Variants in LMBR1 observed in about 807,000 individuals in gnomAD.
LMBR1 encodes the protein limb region 1 protein homolog.
Under a neutral mutation model 73.9 loss-of-function variants are expected in LMBR1, and 52 were observed. That is an observed-to-expected ratio of 0.70 (90% CI 0.56 to 0.89). The LOEUF is 0.89. Among genes scored for constraint, LMBR1 ranks in the 40% least tolerant of loss-of-function variants. The probability of loss-of-function intolerance (pLI) is 0.00; values close to 1 mark genes in which losing one functional copy is unlikely to be tolerated. For missense variants in LMBR1, 539 were observed against 579.8 expected, an observed-to-expected ratio of 0.93 and a Z score of 0.72; for synonymous variants, 215 against 209.4, an observed-to-expected ratio of 1.03 and a Z score of -0.23.
chr7:156,687,112 C>G (rs111808129), intron 16 of LMBR1, among the ~76,000 whole-genome samples: 2,328 of 152,272 alleles, frequency 0.015, 50 homozygotes, highest in South Asian at 0.079. Flanking sequence ...GCCTGGTGAT[C>G]TGAGAAGCTT....
chr7:156,741,276 C>T (rs1818844106), intron 9 of LMBR1, among the ~76,000 whole-genome samples: 1 of 152,004 alleles, frequency 6.6e-6, no homozygotes. Flanking sequence ...AAAGAAGTAA[C>T]AAAATGGCAG....
chr7:156,761,361 T>C (rs773353336), intron 8 of LMBR1, among the ~76,000 whole-genome samples: 5 of 152,098 alleles, frequency 3.3e-5, no homozygotes, highest in Admixed American at 2.6e-4. Flanking sequence ...TACAATCAAC[T>C]GAAAATCATT....
chr7:156,752,553 C>T (rs1444235475), intron 9 of LMBR1, among the ~76,000 whole-genome samples: 1 of 152,024 alleles, frequency 6.6e-6, no homozygotes, highest in African/African-American at 2.4e-5. Flanking sequence ...GCCACAGCAT[C>T]GAAGGAAAAG....
At chr7:156,826,993 C>A (rs1835814474) in intron 3 of LMBR1, among the ~76,000 whole-genome samples, 1 of 152,034 alleles carries the variant, frequency 6.6e-6, no homozygotes, top group African/African-American at 2.4e-5. Context: ...AAGATAAAGA[C>A]ATACTGAAGA....
intron 4 of LMBR1, among the ~76,000 whole-genome samples, chr7:156,671,452 A>G (rs140054648): frequency 5.6e-4 from 85 of 152,398 alleles, no homozygotes; most frequent in African/African-American, 1.8e-3. Flanking sequence ...CATTAGAGAT[A>G]ATGGTGTAGA....
intron 1 of LMBR1, among the ~76,000 whole-genome samples, chr7:156,857,142 G>A (rs930031007): frequency 3.3e-5 from 5 of 149,444 alleles, no homozygotes; most frequent in African/African-American, 1.2e-4. Context: ...TTAAAACTAT[G>A]GTAAATATTA....
chr7:156,876,730 A>G (rs1800234262), intron 1 of LMBR1, among the ~76,000 whole-genome samples: 1 of 152,242 alleles, frequency 6.6e-6, no homozygotes. Context: ...CATTGGGTCA[A>G]CAATGAAATC....
At chr7:156,779,716 C>T (rs1357074813) in intron 5 of LMBR1, 60 of 1,284,716 alleles carry the variant, frequency 4.7e-5, no homozygotes, top group Non-Finnish European at 6.1e-5. Flanking sequence ...AAGGTTTTGC[C>T]TGGACATCTT....
intron 15 of LMBR1, among the ~76,000 whole-genome samples, chr7:156,707,004 GA>G (rs747140832): frequency 6.0e-5 from 9 of 150,596 alleles, no homozygotes; most frequent in Non-Finnish European, 1.0e-4. Flanking sequence ...AGTAACAAGG[GA>G]AAAAAAAGAG....
chr7:156,852,133 T>C (rs1308655136), intron 1 of LMBR1, among the ~76,000 whole-genome samples: 2 of 152,044 alleles, frequency 1.3e-5, no homozygotes, highest in Non-Finnish European at 2.9e-5. Context: ...AAGATTTCGG[T>C]CCAGGTCTCA....
At chr7:156,845,433 T>A (rs1325442155) in intron 1 of LMBR1, among the ~76,000 whole-genome samples, 2 of 151,898 alleles carry the variant, frequency 1.3e-5, no homozygotes, top group Non-Finnish European at 2.9e-5. Flanking sequence ...AAATCCAGAC[T>A]ATGTAGTAAA....
intron 3 of LMBR1, among the ~76,000 whole-genome samples, chr7:156,832,256 T>C (rs1050936550): frequency 2.0e-5 from 3 of 152,224 alleles, no homozygotes; most frequent in African/African-American, 7.2e-5. Context: ...TTTTCAGTTA[T>C]GAATCAAATC....
chr7:156,726,560 C>T (rs1315665110), intron 12 of LMBR1, among the ~76,000 whole-genome samples: 1 of 152,024 alleles, frequency 6.6e-6, no homozygotes, highest in Non-Finnish European at 1.5e-5. Context: ...AAGAAACTAT[C>T]TGAATGTTTT....
chr7:156,876,031 C>A (rs186178669), intron 1 of LMBR1, among the ~76,000 whole-genome samples: 7 of 151,956 alleles, frequency 4.6e-5, no homozygotes, highest in Non-Finnish European at 8.8e-5. Context: ...TACAGAATTG[C>A]GGAATGGATA....
At chr7:156,851,425 CT>C (rs1241383662) in intron 1 of LMBR1, among the ~76,000 whole-genome samples, 1 of 152,174 alleles carries the variant, frequency 6.6e-6, no homozygotes, top group African/African-American at 2.4e-5. Context: ...TAAATATTCA[CT>C]TTTTCAAGAT....
intron 4 of LMBR1, among the ~76,000 whole-genome samples, chr7:156,804,362 A>G (rs1831611932): frequency 6.6e-6 from 1 of 152,210 alleles, no homozygotes; most frequent in African/African-American, 2.4e-5. Flanking sequence ...ATGCTCATGT[A>G]CAAGTCTGTG....
chr7:156,789,284 G>C (rs1447651755), intron 5 of LMBR1, among the ~76,000 whole-genome samples: 1 of 152,048 alleles, frequency 6.6e-6, no homozygotes, highest in Non-Finnish European at 1.5e-5. Context: ...GGTTGCTTTA[G>C]AATTCAGTCA....
At chr7:156,892,508 G>A (rs1256694180) in intron 1 of LMBR1, 1 of 155,214 alleles carries the variant, frequency 6.4e-6, no homozygotes, top group Non-Finnish European at 1.4e-5. Context: ...GCACTGGCGG[G>A]GCCGCCGTCC....
intron 5 of LMBR1, 109 bp downstream of exon 5, chr7:156,796,280 C>T (rs1473908371): frequency 2.9e-6 from 2 of 682,702 alleles, no homozygotes; most frequent in Non-Finnish European, 5.0e-6. Flanking sequence ...ATTTACTACG[C>T]ATTTTTTATA....
Sources: gnomAD v4.1 joint callset for allele counts (sites outside exome capture counted in the v4.1 genomes callset) on GRCh38, gnomAD v4.1.1 for gene constraint, MANE v1.5 for transcripts, NCBI Gene and HGNC (gene_info 2026-07-23, HGNC 2026-07-21) for gene names.